FKRP: variants seen among roughly 807,000 people sequenced by gnomAD.
FKRP encodes fukutin related protein.
FKRP carries 25 observed loss-of-function variants against 30.6 expected under a neutral mutation model. The ratio of observed to expected loss-of-function variants is 0.82; its 90% CI spans 0.60 to 1.14. The LOEUF (loss-of-function observed/expected upper bound fraction) is 1.14, where lower values mean the gene tolerates loss of function less well. Ranked by LOEUF, FKRP falls within the 50% of genes most tolerant of loss-of-function variation. The pLI is 0.00. For synonymous variants in FKRP, 358 were observed against 342.5 expected (o/e 1.05, Z -0.50); for missense variants, 771 against 727.8 (o/e 1.06, Z -0.68).
Position 46,756,054 on chromosome 19 carries a change from C to A in FKRP, c.604C>A (p.Leu202Met). ...CCTGGACGGAGATGCTGTGGTGCTC[C>A]TGCGCGCCCGCGACCTCTTCAACCT... ...DALDGDAVVL[L>M]RARDLFNLSA... Residue 202 changes from leucine (L) to methionine (M), a missense_variant, in exon 4 of 4, where the codon CTG becomes ATG. Physicochemically the swap from Leu to Met is conservative, Grantham distance 15. Coordinates refer to ENST00000318584, the MANE Select transcript of FKRP (RefSeq NM_024301.5). The surrounding 1 kb of genome is among the most constrained non-coding windows in gnomAD (Gnocchi z 6.6). 1 of 1,576,798 alleles carries A rather than the reference C, an allele frequency of 6.3e-7. No homozygotes were observed. Among genetic ancestry groups the A allele is most frequent in the East Asian group, 2.3e-5 (1 of 43,012 alleles).
chr19:46,756,713 C>T lies in FKRP; in HGVS notation c.1263C>T (p.Tyr421=), dbSNP rs138350337. The T allele has an allele frequency of 6.8e-6, 11 of 1,611,798 alleles. No individual in the cohort carries two copies. Among genetic ancestry groups the T allele is most frequent in the Non-Finnish European group, 8.5e-6 (10 of 1,179,196 alleles). ...NHLHVDLWPF[Y]PRNGVMTKDT... is the part of the protein sequence containing the mutation. ...TGCACGTGGACCTGTGGCCCTTCTA[C>T]CCCCGCAATGGCGTCATGACCAAGG... The change falls in exon 4 of 4, where the codon TAC becomes TAT. Residue 421 remains tyrosine, a synonymous_variant. Coordinates refer to ENST00000318584, the MANE Select transcript of FKRP (RefSeq NM_024301.5). This position sits in a 1 kb window ranked among gnomAD's most constrained non-coding sequence, Gnocchi z 6.6.
upstream of FKRP, chr19:46,745,993 C>T (rs540282620): frequency 4.9e-5 from 47 of 964,484 alleles, no homozygotes; most frequent in African/African-American, 7.2e-4. Context: ...CTCGGACGGC[C>T]CCTCACTCGC....
At position 46,756,060 on chromosome 19, in the gene FKRP, G is replaced by A. The variant is rs764621521; in HGVS notation, c.610G>A (p.Ala204Thr). The change falls in exon 4 of 4, where the codon GCC becomes ACC. Residue 204 changes from alanine (A) to threonine (T), a missense_variant. Ala to Thr is a moderately conservative substitution (Grantham distance 58). Transcript: ENST00000318584. The surrounding 1 kb of genome is among the most constrained non-coding windows in gnomAD (Gnocchi z 6.6). ...LDGDAVVLLRARDLFNLSAPL... is the reference protein window; with the variant it reads ...LDGDAVVLLRTRDLFNLSAPL... ...CGGAGATGCTGTGGTGCTCCTGCGC[G>A]CCCGCGACCTCTTCAACCTCTCGGC... 1.9e-6 allele frequency: 3 copies of A among 1,573,326 alleles called. No individual in the cohort carries two copies. Among genetic ancestry groups the A allele is most frequent in the African/African-American group, 1.4e-5 (1 of 72,340 alleles).
At position 46,756,167 on chromosome 19, in the gene FKRP, C is replaced by T. The variant is rs762375285; in HGVS notation, c.717C>T (p.Thr239=). 3.7e-5 allele frequency: 54 copies of T among 1,453,320 alleles called. 1 individual carries two copies. The African/African-American group carries it at 7.8e-4, about 21-fold the overall frequency. The allele number at this position is 1,453,320 out of a possible 1,614,324, so 90.0% of individuals were successfully genotyped here. A position where few individuals can be genotyped will look rare whatever the true frequency, so the allele number is the denominator to read the frequency against. Residue 239 remains threonine, a synonymous_variant, in exon 4 of 4, where the codon ACC becomes ACT. Coordinates refer to ENST00000318584, the MANE Select transcript of FKRP (RefSeq NM_024301.5). This position sits in a 1 kb window ranked among gnomAD's most constrained non-coding sequence, Gnocchi z 6.6. ...GGGCGGTGCAGCTGCTGGACTTGAC[C>T]TTCGCCGCGGCGCGCCAGCCCCCGC... ...RGWAVQLLDL[T]FAAARQPPLA... is the part of the protein sequence containing the mutation.
At chr19:46,753,337 A>G (rs10424817) in intron 3 of FKRP, among the ~76,000 whole-genome samples, 2,155 of 19,450 alleles carry the variant, frequency 0.11, 2 homozygotes, top group African/African-American at 0.23. Context: ...CATGCCTGTA[A>G]TCCCAGCTAC....
At chr19:46,753,920 A>C (rs1346749988) in intron 3 of FKRP, 1 of 152,042 alleles carries the variant, frequency 6.6e-6, no homozygotes, top group African/African-American at 2.4e-5. Context: ...CCTGTGCTGG[A>C]GACCGGCCAG....
rs758396218 is a variant in FKRP, at chr19:46,755,444, C to G, written c.-7C>G. ...CGGAGGCCCAGCTAGCCCCAGACTT[C>G]GGCCCCATGCGGCTCACCCGCTGCC... On this transcript the variant is annotated 5_prime_UTR_variant, in exon 4 of 4. Transcript: ENST00000318584. 65 of 1,602,174 alleles carry G rather than the reference C, an allele frequency of 4.1e-5. No homozygotes were observed. Among genetic ancestry groups the G allele is most frequent in the Non-Finnish European group, 5.3e-5 (63 of 1,178,436 alleles).
rs2054945719 is a variant in FKRP at position 46,757,159 on chromosome 19, A to G, written c.*221A>G. On this transcript the variant is annotated 3_prime_UTR_variant, in exon 4 of 4. Transcript: ENST00000318584. ...CCAGATTTATCAAATGGTCATGCCC[A>G]CTGGGAGCCGTGGATATGCGTGGGG... The G allele has an allele frequency of 4.6e-6, 3 of 653,944 alleles. No individual in the cohort carries two copies. The Admixed American group carries it at 8.1e-5, about 18-fold the overall frequency. 40.5% of individuals were successfully genotyped at this position (653,944 alleles called of 1,614,324 possible).
intron 3 of FKRP, among the ~76,000 whole-genome samples, chr19:46,752,456 T>C (rs1023559866): frequency 2.0e-5 from 3 of 152,150 alleles, no homozygotes; most frequent in African/African-American, 7.2e-5. Flanking sequence ...TCTGTTGCTC[T>C]CTCTCCAGTG....
intron 1 of FKRP, 34 bp downstream of exon 1, chr19:46,746,124 T>C: frequency 7.3e-7 from 1 of 1,370,214 alleles, no homozygotes; most frequent in Non-Finnish European, 9.5e-7. Context: ...GGGTTGGGGG[T>C]CGGGGGTCCC....
upstream of FKRP, chr19:46,745,990 G>C (rs1599907521): frequency 1.1e-6 from 1 of 894,162 alleles, no homozygotes; most frequent in Non-Finnish European, 1.5e-6. Context: ...CCCCTCGGAC[G>C]GCCCCTCACT....
Position 46,756,039 on chromosome 19 carries a change from G to A in FKRP, c.589G>A (p.Asp197Asn), listed in dbSNP as rs1281841482. The change falls in exon 4 of 4, where the codon GAT (aspartate) becomes AAT (asparagine). Residue 197 changes from aspartate (D) to asparagine (N), a missense_variant. Transcript: ENST00000318584. This position sits in a 1 kb window ranked among gnomAD's most constrained non-coding sequence, Gnocchi z 6.6. The part of the protein sequence containing the change: ...AAPRCDALDG[D>N]AVVLLRARDL... ...GCCCCGCTGCGACGCCCTGGACGGA[G>A]ATGCTGTGGTGCTCCTGCGCGCCCG... 6.3e-7 allele frequency: 1 copy of A among 1,579,732 alleles called. No individual in the cohort carries two copies. Among genetic ancestry groups the A allele is most frequent in the East Asian group, 2.3e-5 (1 of 43,450 alleles).
In FKRP at chr19:46,756,608, G is replaced by C. The variant is rs373719817; in HGVS notation, c.1158G>C (p.Val386=). ...TGCGGGGGGCAGAGGCCGGCTCGGTGGTGGATGAGCGCGGCTTCGTATGGG... is the reference window on the plus strand; with the variant it reads ...TGCGGGGGGCAGAGGCCGGCTCGGTCGTGGATGAGCGCGGCTTCGTATGGG... ...EQLRGAEAGS[V]VDERGFVWEK... is the part of the protein sequence containing the mutation. Residue 386 remains valine, a synonymous_variant, in exon 4 of 4, where the codon GTG becomes GTC. Transcript: ENST00000318584. This position sits in a 1 kb window ranked among gnomAD's most constrained non-coding sequence, Gnocchi z 6.6. 2.5e-6 allele frequency: 4 copies of C among 1,611,836 alleles called. No homozygotes were observed. Among genetic ancestry groups the C allele is most frequent in the African/African-American group, 1.3e-5 (1 of 74,932 alleles).
chr19:46,756,495 G>T lies in FKRP; in HGVS notation c.1045G>T (p.Gly349Trp). The change falls in exon 4 of 4, where the codon GGG (glycine) becomes TGG (tryptophan). Residue 349 changes from glycine to tryptophan, a missense_variant. Physicochemically the swap from Gly to Trp is radical, Grantham distance 184. Coordinates refer to ENST00000318584, the MANE Select transcript of FKRP (RefSeq NM_024301.5). The surrounding 1 kb of genome is among the most constrained non-coding windows in gnomAD (Gnocchi z 6.6). ...CTGGCTCGAGGGCGGCTCACTGCTG[G>T]GGGCCGCCCGCCACGGGGACATCAT... ...RYWLEGGSLLGAARHGDIIPW... is the reference protein window; with the variant it reads ...RYWLEGGSLLWAARHGDIIPW... 1 of 1,556,968 alleles carries T rather than the reference G, an allele frequency of 6.4e-7. No homozygotes were observed. Among genetic ancestry groups the T allele is most frequent in the Non-Finnish European group, 8.7e-7 (1 of 1,152,570 alleles).
rs1276541804 is a variant in FKRP, at chr19:46,756,306, T to C, written c.856T>C (p.Trp286Arg). 1 of 1,542,348 alleles carries C rather than the reference T, an allele frequency of 6.5e-7. No homozygotes were observed. Among genetic ancestry groups the C allele is most frequent in the Non-Finnish European group, 8.7e-7 (1 of 1,148,830 alleles). The change falls in exon 4 of 4, where the codon TGG becomes CGG. Residue 286 changes from tryptophan (W) to arginine (R), a missense_variant. Coordinates refer to ENST00000318584, the MANE Select transcript of FKRP (RefSeq NM_024301.5). This position sits in a 1 kb window ranked among gnomAD's most constrained non-coding sequence, Gnocchi z 6.6. The part of the protein sequence containing the change: ...LVSWEGGRLE[W>R]FGCNKETTRC... The stretch of plus-strand genomic sequence containing the variant: ...GAGCTGGGAAGGCGGGCGGCTGGAG[T>C]GGTTCGGCTGCAACAAGGAGACCAC...
chr19:46,748,638 A>G lies in FKRP; in HGVS notation c.-67A>G, dbSNP rs1316189230. 3 of 152,250 alleles carry G rather than the reference A, an allele frequency of 2.0e-5. No individual in the cohort carries two copies. The highest frequency in any genetic ancestry group is 4.8e-5 in the African/African-American group (2 of 41,448). 9.4% of individuals were successfully genotyped at this position (152,250 alleles called of 1,614,324 possible). A position where few individuals can be genotyped will look rare whatever the true frequency, so the allele number is the denominator to read the frequency against. ...GAGAGACAAGTAAACTCTCAGAGTA[A>G]CTGTCCCCTCTGACTACCATTTCTA... On this transcript the variant is annotated 5_prime_UTR_variant, in exon 3 of 4. Coordinates refer to ENST00000318584, the MANE Select transcript of FKRP (RefSeq NM_024301.5).
intron 1 of FKRP, chr19:46,746,495 C>CT: frequency 2.5e-6 from 1 of 394,882 alleles, no homozygotes; most frequent in South Asian, 1.2e-4. Flanking sequence ...GCGCCAACAC[C>CT]CCCCCCCCTC....
chr19:46,750,959 A>G (rs889412193), intron 3 of FKRP, among the ~76,000 whole-genome samples: 1 of 152,198 alleles, frequency 6.6e-6, no homozygotes, highest in Non-Finnish European at 1.5e-5. Context: ...CCTGCCTTCC[A>G]TGGAGATTCT....
In FKRP at chr19:46,754,320, G is replaced by A. The variant is rs1422733070; in HGVS notation, c.-39-1092G>A. The A allele has an allele frequency of 2.2e-4, 33 of 149,450 alleles. 1 individual carries two copies. Among genetic ancestry groups the A allele is most frequent in the African/African-American group, 8.4e-4 (33 of 39,414 alleles). 9.3% of individuals were successfully genotyped at this position (149,450 alleles called of 1,614,324 possible). A position where few individuals can be genotyped will look rare whatever the true frequency, so the allele number is the denominator to read the frequency against. On this transcript the variant is annotated intron_variant, in intron 3 of 3. Coordinates refer to ENST00000318584, the MANE Select transcript of FKRP (RefSeq NM_024301.5). ...CCCAAATTGCTGGGATCACAGGTGT[G>A]AGTCACTGTACCTGGCCCACCCCAC...
Sources: allele counts gnomAD v4.1 joint callset (sites outside exome capture counted in the v4.1 genomes callset), GRCh38; gene constraint gnomAD v4.1.1; non-coding constraint Gnocchi (gnomAD v3.1); transcripts MANE v1.5; gene names NCBI Gene and HGNC (gene_info 2026-07-23, HGNC 2026-07-21).